GPSM3: variants seen among roughly 807,000 people sequenced by gnomAD.
GPSM3 encodes G protein-signaling modulator 3.
Under a neutral mutation model 20.4 loss-of-function variants are expected in GPSM3, and 16 were observed. The ratio of observed to expected loss-of-function variants is 0.78; its 90% CI spans 0.53 to 1.19. GPSM3 has a LOEUF of 1.19. Ranked by LOEUF, GPSM3 falls within the 50% of genes most tolerant of loss-of-function variation. The probability of loss-of-function intolerance (pLI) is 0.00; values close to 1 mark genes in which losing one functional copy is unlikely to be tolerated. For missense variants in GPSM3, 177 were observed against 204.6 expected, an observed-to-expected ratio of 0.86 and a Z score of 0.82; for synonymous variants, 70 against 79.6, an observed-to-expected ratio of 0.88 and a Z score of 0.64.
chr6:32,192,469 C>T lies in GPSM3; in HGVS notation c.42+3G>A. 6.3e-7 allele frequency: 1 copy of T among 1,589,532 alleles called. No homozygotes were observed. Among genetic ancestry groups the T allele is most frequent in the Non-Finnish European group, 8.6e-7 (1 of 1,166,896 alleles). On this transcript the variant is annotated splice_donor_region_variant and intron_variant, in intron 1 of 3. Coordinates refer to ENST00000375040, the MANE Select transcript of GPSM3 (RefSeq NM_001276501.2). The surrounding 1 kb of genome is among the most constrained non-coding windows in gnomAD (Gnocchi z 5.1). Reference sequence around the variant, plus strand: ...AGCCTCCCCAACCCCGTGCCCAGCTCACCTGCTCACCATCCTCTTCTTCCT... The same window carrying T: ...AGCCTCCCCAACCCCGTGCCCAGCTTACCTGCTCACCATCCTCTTCTTCCT...
At chr6:32,193,303 C>A (rs1403892703), upstream of GPSM3, among the ~76,000 whole-genome samples, 1 of 152,030 alleles carries the variant, frequency 6.6e-6, no homozygotes, top group Non-Finnish European at 1.5e-5. This position sits in a 1 kb window ranked among gnomAD's most constrained non-coding sequence, Gnocchi z 4.7. Flanking sequence ...AGTTGGAGAC[C>A]AGCCTGGGGA....
chr6:32,192,863 C>A, upstream of GPSM3: 2 of 286,722 alleles, frequency 7.0e-6, no homozygotes, highest in Non-Finnish European at 1.3e-5. The surrounding 1 kb of genome is among the most constrained non-coding windows in gnomAD (Gnocchi z 5.1). Context: ...GTCCCCTAAT[C>A]CCTGGCTCTG....
chr6:32,192,280 A>G lies in GPSM3; in HGVS notation c.43-30T>C. The G allele has an allele frequency of 2.7e-6, 4 of 1,502,926 alleles. No individual in the cohort carries two copies. The highest frequency in any genetic ancestry group is 3.6e-6 in the Non-Finnish European group (4 of 1,112,534). The allele number at this position is 1,502,926 out of a possible 1,614,324, so 93.1% of individuals were successfully genotyped here. A position where few individuals can be genotyped will look rare whatever the true frequency, so the allele number is the denominator to read the frequency against. On this transcript the variant is annotated intron_variant, in intron 1 of 3. Coordinates refer to ENST00000375040, the MANE Select transcript of GPSM3 (RefSeq NM_001276501.2). This position sits in a 1 kb window ranked among gnomAD's most constrained non-coding sequence, Gnocchi z 5.1. Reference sequence around the variant, plus strand: ...TGCCAAAATATGTCCATTCTAGTCAAGCAGTGGTGGTTGAAGCGGGAGGAG... The same window carrying G: ...TGCCAAAATATGTCCATTCTAGTCAGGCAGTGGTGGTTGAAGCGGGAGGAG...
chr6:32,192,621 T>G lies in GPSM3; in HGVS notation c.-108A>C. 1.5e-6 allele frequency: 1 copy of G among 650,056 alleles called. No homozygotes were observed. The highest frequency in any genetic ancestry group is 1.9e-5 in the South Asian group (1 of 51,544). 40.3% of individuals were successfully genotyped at this position (650,056 alleles called of 1,614,324 possible). ...GGGGCTGGAAGGGGTGGGGGTGAGCTGGGGGCTGGATGCCTGGGTACTGAG... is the reference window on the plus strand; with the variant it reads ...GGGGCTGGAAGGGGTGGGGGTGAGCGGGGGGCTGGATGCCTGGGTACTGAG... On this transcript the variant is annotated 5_prime_UTR_variant, in exon 1 of 4. Coordinates refer to ENST00000375040, the MANE Select transcript of GPSM3 (RefSeq NM_001276501.2). This position sits in a 1 kb window ranked among gnomAD's most constrained non-coding sequence, Gnocchi z 5.1.
Position 32,191,212 on chromosome 6 carries a change from C to G in GPSM3, c.*154G>C. ...AGAGTTTGAGGACTTTCACCCTGTC[C>G]AGTTCCCAGGGAAGGTGATGTGGGA... On this transcript the variant is annotated 3_prime_UTR_variant, in exon 4 of 4. Transcript: ENST00000375040. This position sits in a 1 kb window ranked among gnomAD's most constrained non-coding sequence, Gnocchi z 5.9. 1 of 929,658 alleles carries G rather than the reference C, an allele frequency of 1.1e-6. No homozygotes were observed. The highest frequency in any genetic ancestry group is 2.9e-5 in the East Asian group (1 of 34,772). 57.6% of individuals were successfully genotyped at this position (929,658 alleles called of 1,614,324 possible).
rs1278859141 is a variant in GPSM3 at position 32,192,587 on chromosome 6, A to G, written c.-74T>C. 6 of 539,072 alleles carry G rather than the reference A, an allele frequency of 1.1e-5. No homozygotes were observed. Among genetic ancestry groups the G allele is most frequent in the South Asian group, 5.9e-5 (3 of 51,026 alleles). The allele number at this position is 539,072 out of a possible 1,614,324, so 33.4% of individuals were successfully genotyped here. ...GGAGGGCTGGAACCTTGGGTTCCTG[A>G]GGGGAGTGGGGGCTGGAAGGGGTGG... On this transcript the variant is annotated 5_prime_UTR_variant, in exon 1 of 4. Transcript: ENST00000375040. This position sits in a 1 kb window ranked among gnomAD's most constrained non-coding sequence, Gnocchi z 5.1.
In GPSM3 at chr6:32,190,975, G is replaced by A. The variant is rs1328974053; in HGVS notation, c.*391C>T. ...TCCCTTCTTACTGGGAGGAAGGGTAGAGCTGTCTCTCAGGTTATAACCTCT... is the reference window on the plus strand; with the variant it reads ...TCCCTTCTTACTGGGAGGAAGGGTAAAGCTGTCTCTCAGGTTATAACCTCT... On this transcript the variant is annotated 3_prime_UTR_variant, in exon 4 of 4. Transcript: ENST00000375040. 1 of 177,962 alleles carries A rather than the reference G, an allele frequency of 5.6e-6. No homozygotes were observed. Among genetic ancestry groups the A allele is most frequent in the Non-Finnish European group, 1.2e-5 (1 of 85,460 alleles). The allele number at this position is 177,962 out of a possible 1,614,324, so 11.0% of individuals were successfully genotyped here. A position where few individuals can be genotyped will look rare whatever the true frequency, so the allele number is the denominator to read the frequency against.
Position 32,192,573 on chromosome 6 carries a change from A to G in GPSM3, c.-60T>C. 1 of 1,208,272 alleles carries G rather than the reference A, an allele frequency of 8.3e-7. No individual in the cohort carries two copies. Among genetic ancestry groups the G allele is most frequent in the Non-Finnish European group, 1.1e-6 (1 of 871,024 alleles). The allele number at this position is 1,208,272 out of a possible 1,614,324, so 74.8% of individuals were successfully genotyped here. On this transcript the variant is annotated 5_prime_UTR_variant, in exon 1 of 4. Coordinates refer to ENST00000375040, the MANE Select transcript of GPSM3 (RefSeq NM_001276501.2). The surrounding 1 kb of genome is among the most constrained non-coding windows in gnomAD (Gnocchi z 5.1). Reference sequence around the variant, plus strand: ...GCTGGGATTTGGGAGGAGGGCTGGAACCTTGGGTTCCTGAGGGGAGTGGGG... The same window carrying G: ...GCTGGGATTTGGGAGGAGGGCTGGAGCCTTGGGTTCCTGAGGGGAGTGGGG...
At chr6:32,193,453 T>A (rs192675203), upstream of GPSM3, among the ~76,000 whole-genome samples, 111 of 152,222 alleles carry the variant, frequency 7.3e-4, no homozygotes, top group African/African-American at 2.6e-3. This position sits in a 1 kb window ranked among gnomAD's most constrained non-coding sequence, Gnocchi z 4.7. Flanking sequence ...TGAACTGAGA[T>A]TGTGCCACTG....
rs987381507 is a variant in GPSM3, at chr6:32,191,240, T to G, written c.*126A>C. 2 of 1,139,548 alleles carry G rather than the reference T, an allele frequency of 1.8e-6. No homozygotes were observed. The highest frequency in any genetic ancestry group is 2.4e-6 in the Non-Finnish European group (2 of 821,010). The allele number at this position is 1,139,548 out of a possible 1,614,324, so 70.6% of individuals were successfully genotyped here. On this transcript the variant is annotated 3_prime_UTR_variant, in exon 4 of 4. Coordinates refer to ENST00000375040, the MANE Select transcript of GPSM3 (RefSeq NM_001276501.2). This position sits in a 1 kb window ranked among gnomAD's most constrained non-coding sequence, Gnocchi z 5.9. Reference sequence around the variant, plus strand: ...TTCCCAGGGAAGGTGATGTGGGAGATGAATATTGAGATTTGTGCCGTGTCT... The same window carrying G: ...TTCCCAGGGAAGGTGATGTGGGAGAGGAATATTGAGATTTGTGCCGTGTCT...
Position 32,191,285 on chromosome 6 carries a change from G to A in GPSM3, c.*81C>T. The A allele has an allele frequency of 6.7e-7, 1 of 1,482,066 alleles. No individual in the cohort carries two copies. The highest frequency in any genetic ancestry group is 9.0e-7 in the Non-Finnish European group (1 of 1,105,560). The allele number at this position is 1,482,066 out of a possible 1,614,324, so 91.8% of individuals were successfully genotyped here. A position where few individuals can be genotyped will look rare whatever the true frequency, so the allele number is the denominator to read the frequency against. ...GTGTCTTTCAGTCTCTGGTACCCCT[G>A]CCAAGCAAGAGTTGAGGGCATGCAA... On this transcript the variant is annotated 3_prime_UTR_variant, in exon 4 of 4. Coordinates refer to ENST00000375040, the MANE Select transcript of GPSM3 (RefSeq NM_001276501.2). This position sits in a 1 kb window ranked among gnomAD's most constrained non-coding sequence, Gnocchi z 5.9.
In GPSM3 at chr6:32,192,620, C is replaced by A. The variant is rs940121760; in HGVS notation, c.-107G>T. 6.7e-5 allele frequency: 45 copies of A among 666,806 alleles called. No homozygotes were observed. Among genetic ancestry groups the A allele is most frequent in the South Asian group, 1.1e-4 (6 of 53,074 alleles). The allele number at this position is 666,806 out of a possible 1,614,324, so 41.3% of individuals were successfully genotyped here. A position where few individuals can be genotyped will look rare whatever the true frequency, so the allele number is the denominator to read the frequency against. The stretch of plus-strand genomic sequence containing the variant: ...GGGGGCTGGAAGGGGTGGGGGTGAG[C>A]TGGGGGCTGGATGCCTGGGTACTGA... On this transcript the variant is annotated 5_prime_UTR_variant, in exon 1 of 4. Coordinates refer to ENST00000375040, the MANE Select transcript of GPSM3 (RefSeq NM_001276501.2). The surrounding 1 kb of genome is among the most constrained non-coding windows in gnomAD (Gnocchi z 5.1).
At position 32,192,443 on chromosome 6, in the gene GPSM3, C is replaced by T; in HGVS notation, c.42+29G>A. On this transcript the variant is annotated intron_variant, in intron 1 of 3. Transcript: ENST00000375040. The surrounding 1 kb of genome is among the most constrained non-coding windows in gnomAD (Gnocchi z 5.1). ...TCTCACCTCCCTTCTTTCCCAGTGT[C>T]AGCCTCCCCAACCCCGTGCCCAGCT... 1 of 1,577,434 alleles carries T rather than the reference C, an allele frequency of 6.3e-7. No homozygotes were observed. Among genetic ancestry groups the T allele is most frequent in the Non-Finnish European group, 8.6e-7 (1 of 1,159,774 alleles).
upstream of GPSM3, chr6:32,192,979 T>G (rs1373336704): frequency 6.4e-6 from 1 of 156,608 alleles, no homozygotes; most frequent in Non-Finnish European, 1.4e-5. The surrounding 1 kb of genome is among the most constrained non-coding windows in gnomAD (Gnocchi z 5.1). Flanking sequence ...GCCAGGTCCC[T>G]TCCCTCCCTA....
At position 32,192,391 on chromosome 6, in the gene GPSM3, G is replaced by A. The variant is rs1787596284; in HGVS notation, c.42+81C>T. On this transcript the variant is annotated intron_variant, in intron 1 of 3. Transcript: ENST00000375040. The surrounding 1 kb of genome is among the most constrained non-coding windows in gnomAD (Gnocchi z 5.1). ...TTTGCCCAAGCCTTTCAAGGCCCCT[G>A]TGTCCCTACATTTCTGCCCCAGGTC... 1 of 1,475,518 alleles carries A rather than the reference G, an allele frequency of 6.8e-7. No individual in the cohort carries two copies. The highest frequency in any genetic ancestry group is 1.2e-5 in the South Asian group (1 of 81,776). The allele number at this position is 1,475,518 out of a possible 1,614,324, so 91.4% of individuals were successfully genotyped here.
upstream of GPSM3, among the ~76,000 whole-genome samples, chr6:32,193,919 T>G (rs1787697556): frequency 6.6e-6 from 1 of 152,166 alleles, no homozygotes; most frequent in Non-Finnish European, 1.5e-5. The surrounding 1 kb of genome is among the most constrained non-coding windows in gnomAD (Gnocchi z 4.7). Flanking sequence ...TTAGGGAGTT[T>G]ATAGCTGAGT....
upstream of GPSM3, chr6:32,194,236 C>A (rs1206771195): frequency 6.6e-6 from 1 of 152,136 alleles, no homozygotes; most frequent in Non-Finnish European, 1.5e-5. The surrounding 1 kb of genome is among the most constrained non-coding windows in gnomAD (Gnocchi z 4.5). Context: ...TTAGGAATCT[C>A]CTAAGTGGCC....
Position 32,191,641 on chromosome 6 carries a change from G to A in GPSM3, c.345+68C>T, listed in dbSNP as rs970789750. 3 of 1,481,460 alleles carry A rather than the reference G, an allele frequency of 2.0e-6. No homozygotes were observed. Among genetic ancestry groups the A allele is most frequent in the Non-Finnish European group, 2.7e-6 (3 of 1,094,956 alleles). 91.8% of individuals were successfully genotyped at this position (1,481,460 alleles called of 1,614,324 possible). On this transcript the variant is annotated intron_variant, in intron 3 of 3. Coordinates refer to ENST00000375040, the MANE Select transcript of GPSM3 (RefSeq NM_001276501.2). The surrounding 1 kb of genome is among the most constrained non-coding windows in gnomAD (Gnocchi z 5.9). ...GGGTGCCTAGGGAGAAACAGGAGTA[G>A]AGCCCCAAAGAGAACAGGGGCCAAG...
chr6:32,194,739 C>T (rs1787743860), upstream of GPSM3: 1 of 219,046 alleles, frequency 4.6e-6, no homozygotes, highest in African/African-American at 2.2e-5. The surrounding 1 kb of genome is among the most constrained non-coding windows in gnomAD (Gnocchi z 4.5). Flanking sequence ...ATACTTACAT[C>T]CTCCATCCAA....
Sources: allele counts gnomAD v4.1 joint callset (sites outside exome capture counted in the v4.1 genomes callset), GRCh38; gene constraint gnomAD v4.1.1; non-coding constraint Gnocchi (gnomAD v3.1); transcripts MANE v1.5; gene names NCBI Gene and HGNC (gene_info 2026-07-23, HGNC 2026-07-21).